Variants in ITGA1 observed in about 807,000 individuals in gnomAD.
The protein encoded by ITGA1 is integrin subunit alpha 1.
Under a neutral mutation model 145.9 loss-of-function variants are expected in ITGA1, and 85 were observed. The ratio of observed to expected loss-of-function variants is 0.58; its 90% CI spans 0.49 to 0.70. The LOEUF (loss-of-function observed/expected upper bound fraction) is 0.70, where lower values mean the gene tolerates loss of function less well. ITGA1 is among the 30% of genes least tolerant of loss of function. The probability of loss-of-function intolerance (pLI) is 0.00; values close to 1 mark genes in which losing one functional copy is unlikely to be tolerated. For synonymous variants in ITGA1, 520 were observed against 495.3 expected (o/e 1.05, Z -0.66); for missense variants, 1,351 against 1,418.7 (o/e 0.95, Z 0.77).
In ITGA1 at chr5:52,908,878, T is replaced by G. The variant is rs1390874109; in HGVS notation, c.1456-20T>G. 2.5e-6 allele frequency: 4 copies of G among 1,611,984 alleles called. No homozygotes were observed. Among genetic ancestry groups the G allele is most frequent in the Non-Finnish European group, 3.4e-6 (4 of 1,179,018 alleles). ...ATTTCTGTTGTTCATTGGGCTGTTT[T>G]GTTTCATTTTGTGTCCTAGATTGGT... is the stretch of plus-strand genomic sequence containing the variant. On this transcript the variant is annotated intron_variant, in intron 12 of 28. Transcript: ENST00000282588.
At position 52,910,414 on chromosome 5, in the gene ITGA1, G is replaced by T. The variant is rs201034305; in HGVS notation, c.1852G>T (p.Ala618Ser). The T allele has an allele frequency of 3.4e-5, 54 of 1,610,808 alleles. No individual in the cohort carries two copies. The East Asian group carries it at 1.2e-3, about 35-fold the overall frequency. ...GSGKTIRKEY[A>S]QRIPSGGDGK... ...TGGCAAGACTATAAGGAAAGAGTAT[G>T]CACAAGTAAGAATTGAAACCTACAG... is the stretch of plus-strand genomic sequence containing the variant. Residue 618 changes from alanine (A) to serine (S), a missense_variant, in exon 14 of 29, where the codon GCA (alanine) becomes TCA (serine). Ala to Ser is a moderately conservative substitution (Grantham distance 99, BLOSUM62 1). Coordinates refer to ENST00000282588, the MANE Select transcript of ITGA1 (RefSeq NM_181501.2).
intron 1 of ITGA1, chr5:52,801,882 C>T (rs1748496013): frequency 2.8e-6 from 4 of 1,423,064 alleles, no homozygotes; most frequent in Non-Finnish European, 3.8e-6. Context: ...GTTTCCTAAA[C>T]TGTTACAGTA....
intron 8 of ITGA1, among the ~76,000 whole-genome samples, chr5:52,889,060 A>T (rs1750100501): frequency 6.6e-6 from 1 of 152,160 alleles, no homozygotes; most frequent in Non-Finnish European, 1.5e-5. Context: ...TCACATTAAC[A>T]TTGAGTGTAC....
intron 21 of ITGA1, chr5:52,931,425 C>G (rs750163014): frequency 6.6e-6 from 1 of 151,912 alleles, no homozygotes; most frequent in Non-Finnish European, 1.5e-5. Flanking sequence ...TTTTCTAATA[C>G]GAGGAAGTAT....
At chr5:52,946,244 T>A (rs187450151) in intron 27 of ITGA1, among the ~76,000 whole-genome samples, 114 of 152,318 alleles carry the variant, frequency 7.5e-4, no homozygotes, top group Middle Eastern at 3.4e-3. Context: ...ATGTTTAAAA[T>A]CTGCCTTGCT....
intron 6 of ITGA1, 139 bp downstream of exon 6, chr5:52,865,956 A>C: frequency 1.6e-6 from 1 of 638,920 alleles, no homozygotes; most frequent in Non-Finnish European, 2.5e-6. Flanking sequence ...TCCTGTTCTT[A>C]TTTCTGATAA....
chr5:52,803,973 A>C (rs1748541505), intron 1 of ITGA1: 1 of 152,208 alleles, frequency 6.6e-6, no homozygotes, highest in Non-Finnish European at 1.5e-5. Context: ...AACTGTCTAT[A>C]AAACCTCTAT....
chr5:52,890,168 C>G (rs945008861), intron 8 of ITGA1, among the ~76,000 whole-genome samples: 1 of 152,184 alleles, frequency 6.6e-6, no homozygotes, highest in African/African-American at 2.4e-5. Flanking sequence ...CACCTGCCTT[C>G]CTCCACCTGG....
chr5:52,821,472 A>G (rs1347637765), intron 1 of ITGA1, among the ~76,000 whole-genome samples: 1 of 152,214 alleles, frequency 6.6e-6, no homozygotes, highest in Admixed American at 6.5e-5. Context: ...CAGAATTGGT[A>G]AATGGAAAAA....
chr5:52,794,110 C>T (rs975494540), intron 1 of ITGA1, among the ~76,000 whole-genome samples: 3 of 151,860 alleles, frequency 2.0e-5, no homozygotes, highest in African/African-American at 4.8e-5. Flanking sequence ...CAGGAGATCC[C>T]TATTAACAAG....
chr5:52,818,068 G>A (rs1748805600), intron 1 of ITGA1, among the ~76,000 whole-genome samples: 1 of 152,182 alleles, frequency 6.6e-6, no homozygotes, highest in African/African-American at 2.4e-5. Flanking sequence ...GACACAGTTT[G>A]TTGAACCCTG....
chr5:52,916,019 T>C (rs958347286), intron 15 of ITGA1, among the ~76,000 whole-genome samples: 1 of 152,194 alleles, frequency 6.6e-6, no homozygotes, highest in African/African-American at 2.4e-5. Flanking sequence ...GTTTATATTG[T>C]TGGTCAAGCC....
In ITGA1 at chr5:52,788,330, C is replaced by A. The variant is rs2111632515; in HGVS notation, c.-24C>A. Reference sequence around the variant, plus strand: ...CCTGCCCTGCGAACCAGCGCGGCCCCCTGGCGCTGAGGCTGCTCCGGCCAT... The same window carrying A: ...CCTGCCCTGCGAACCAGCGCGGCCCACTGGCGCTGAGGCTGCTCCGGCCAT... On this transcript the variant is annotated 5_prime_UTR_variant, in exon 1 of 29. Coordinates refer to ENST00000282588, the MANE Select transcript of ITGA1 (RefSeq NM_181501.2). The A allele has an allele frequency of 6.7e-7, 1 of 1,493,990 alleles. No individual in the cohort carries two copies. The highest frequency in any genetic ancestry group is 1.3e-5 in the South Asian group (1 of 79,966). 92.5% of individuals were successfully genotyped at this position (1,493,990 alleles called of 1,614,324 possible). A position where few individuals can be genotyped will look rare whatever the true frequency, so the allele number is the denominator to read the frequency against.
intron 6 of ITGA1, chr5:52,867,295 C>G (rs1465034239): frequency 6.6e-6 from 1 of 152,064 alleles, no homozygotes; most frequent in East Asian, 1.9e-4. Context: ...CATTCCAAGG[C>G]TGAATAGGTC....
chr5:52,838,862 C>T (rs971705141), intron 1 of ITGA1, among the ~76,000 whole-genome samples: 3 of 152,056 alleles, frequency 2.0e-5, no homozygotes, highest in African/African-American at 7.2e-5. Context: ...TTCAGGAGGC[C>T]GAGGCAGGCG....
chr5:52,905,417 G>C (rs1247821819), intron 11 of ITGA1: 1 of 164,736 alleles, frequency 6.1e-6, no homozygotes, highest in East Asian at 1.7e-4. Context: ...AATTTCTGTA[G>C]TGCAGACACA....
intron 1 of ITGA1, among the ~76,000 whole-genome samples, chr5:52,842,664 C>CT (rs992839768): frequency 1.8e-4 from 24 of 136,240 alleles, no homozygotes; most frequent in Admixed American, 3.7e-4. Context: ...AAATCACTTG[C>CT]TTTTTTTTTT....
chr5:52,875,028 G>A (rs1225315511), intron 6 of ITGA1, among the ~76,000 whole-genome samples: 2 of 152,104 alleles, frequency 1.3e-5, no homozygotes. Flanking sequence ...AAGACTCTGA[G>A]AAAACTTTCA....
At chr5:52,900,342 T>C (rs2111833442) in intron 11 of ITGA1, among the ~76,000 whole-genome samples, 1 of 152,260 alleles carries the variant, frequency 6.6e-6, no homozygotes. Flanking sequence ...AAACTCCTTA[T>C]GAAAGGCATT....
Sources: gnomAD v4.1 joint callset for allele counts (sites outside exome capture counted in the v4.1 genomes callset) on GRCh38, gnomAD v4.1.1 for gene constraint, MANE v1.5 for transcripts, NCBI Gene and HGNC (gene_info 2026-07-23, HGNC 2026-07-21) for gene names.